The following RIMKLA variants were observed in gnomAD, a reference collection of about 807,000 sequenced individuals.
The protein encoded by RIMKLA is ribosomal modification protein rimK like family member A.
In RIMKLA, 14 loss-of-function variants were observed where a neutral mutation model predicts 32.7. That is an observed-to-expected ratio of 0.43 (90% confidence interval 0.28 to 0.67). The LOEUF is 0.67. RIMKLA is among the 30% of genes least tolerant of loss of function. RIMKLA has a pLI of 0.18. For missense variants in RIMKLA, 410 were observed against 519.0 expected, an observed-to-expected ratio of 0.79 and a Z score of 2.04; for synonymous variants, 176 against 204.1, an observed-to-expected ratio of 0.86 and a Z score of 1.18.
At chr1:42,406,847 A>G (rs1437868088) in intron 3 of RIMKLA, among the ~76,000 whole-genome samples, 1 of 150,956 alleles carries the variant, frequency 6.6e-6, no homozygotes, top group Admixed American at 6.6e-5. Context: ...ATGTTTTTTC[A>G]TATCCTTTGC....
In RIMKLA at chr1:42,415,611, G is replaced by A. The variant is rs377098890; in HGVS notation, c.*637G>A. On this transcript the variant is annotated 3_prime_UTR_variant, in exon 5 of 5. Transcript: ENST00000431473. ...TTGGCAAATGTCCTGCTTTGTAACT[G>A]GGCCTTTCTACAAATTGCTTTGCCA... 1.3e-5 allele frequency: 2 copies of A among 152,200 alleles called. No homozygotes were observed. Among genetic ancestry groups the A allele is most frequent in the East Asian group, 1.9e-4 (1 of 5,194 alleles). The allele number at this position is 152,200 out of a possible 1,614,324, so 9.4% of individuals were successfully genotyped here. A position where few individuals can be genotyped will look rare whatever the true frequency, so the allele number is the denominator to read the frequency against.
chr1:42,403,280 T>C (rs758011260), intron 2 of RIMKLA, among the ~76,000 whole-genome samples: 4 of 152,164 alleles, frequency 2.6e-5, no homozygotes, highest in Non-Finnish European at 5.9e-5. Context: ...TTATTTCTGC[T>C]CTATACTGAC....
chr1:42,397,597 C>T (rs868793910), intron 1 of RIMKLA, among the ~76,000 whole-genome samples: 9 of 152,062 alleles, frequency 5.9e-5, no homozygotes, highest in African/African-American at 2.2e-4. Flanking sequence ...TGGTGATGCA[C>T]ACTTGTAGTC....
intron 1 of RIMKLA, among the ~76,000 whole-genome samples, chr1:42,394,487 G>A (rs1379347601): frequency 6.6e-6 from 1 of 152,182 alleles, no homozygotes; most frequent in East Asian, 1.9e-4. Context: ...ACGAGATAAT[G>A]TGTGAAAGTT....
rs1245653767 is a variant in RIMKLA at position 42,385,879 on chromosome 1, TTTCTTTCTTTCTTTCTTTCC to T, written c.163+4790_163+4809del. Reference sequence around the variant, plus strand: ...CTTTCTTTCTTTCTTTCTTTCTTTCTTTCTTTCTTTCTTTCTTTCCTTCTTTCCTTCTTTCCTTCTTTCTT... The same window carrying T: ...CTTTCTTTCTTTCTTTCTTTCTTTCTTTCTTTCCTTCTTTCCTTCTTTCTT... On this transcript the variant is annotated intron_variant, in intron 1 of 4. Coordinates refer to ENST00000431473, the MANE Select transcript of RIMKLA (RefSeq NM_173642.4). 3.3e-4 allele frequency among the ~76,000 whole-genome samples: 33 copies of T among 99,302 alleles called. 3 individuals carry two copies. The highest frequency in any genetic ancestry group is 1.6e-3 in the South Asian group (5 of 3,122). The allele number at this position is 99,302 out of a possible 152,430, so 65.1% of individuals were successfully genotyped here. A position where few individuals can be genotyped will look rare whatever the true frequency, so the allele number is the denominator to read the frequency against.
At chr1:42,397,606 T>C (rs1643059249) in intron 1 of RIMKLA, among the ~76,000 whole-genome samples, 1 of 152,156 alleles carries the variant, frequency 6.6e-6, no homozygotes, top group African/African-American at 2.4e-5. Flanking sequence ...ACACTTGTAG[T>C]CCCAACTACT....
chr1:42,407,976 A>G (rs1240126328), intron 3 of RIMKLA, among the ~76,000 whole-genome samples: 2 of 152,130 alleles, frequency 1.3e-5, no homozygotes, highest in Admixed American at 6.5e-5. Flanking sequence ...CAAGAAACCC[A>G]GTTCCTATCT....
intron 4 of RIMKLA, 67 bp from the exon 5 acceptor site, chr1:42,414,417 G>A (rs1643227777): frequency 1.9e-6 from 3 of 1,547,904 alleles, no homozygotes; most frequent in African/African-American, 2.7e-5. Context: ...GCAGATCCCT[G>A]TCTCTTCTTT....
intron 1 of RIMKLA, among the ~76,000 whole-genome samples, chr1:42,385,830 T>TCCTTCCTTCCTTCCTTCC (rs1557749857): frequency 1.3e-5 from 1 of 74,216 alleles, no homozygotes; most frequent in Non-Finnish European, 3.2e-5. Flanking sequence ...CTTCCTTCCT[T>TCCTTCCTTCCTTCCTTCC]TCTTTCTTTC....
intron 2 of RIMKLA, among the ~76,000 whole-genome samples, chr1:42,401,920 A>G (rs1166802581): frequency 6.6e-6 from 1 of 152,184 alleles, no homozygotes; most frequent in Non-Finnish European, 1.5e-5. Context: ...GAGTTGAGAA[A>G]GGGCGTCTAA....
Position 42,416,779 on chromosome 1 carries a change from G to T in RIMKLA, c.*1805G>T, listed in dbSNP as rs192114927. Reference sequence around the variant, plus strand: ...TTCATAACACATTTAAATAGAAATTGGCTTTTAAAGTATTGTAGTTAAAAC... The same window carrying T: ...TTCATAACACATTTAAATAGAAATTTGCTTTTAAAGTATTGTAGTTAAAAC... On this transcript the variant is annotated 3_prime_UTR_variant, in exon 5 of 5. Coordinates refer to ENST00000431473, the MANE Select transcript of RIMKLA (RefSeq NM_173642.4). 6.6e-6 allele frequency: 1 copy of T among 152,236 alleles called. No homozygotes were observed. 9.4% of individuals were successfully genotyped at this position (152,236 alleles called of 1,614,324 possible).
chr1:42,409,201 C>CAAAAAAA (rs59543497), intron 3 of RIMKLA, among the ~76,000 whole-genome samples: 18 of 64,494 alleles, frequency 2.8e-4, no homozygotes, highest in African/African-American at 1.0e-3. Flanking sequence ...GACTCTGTCT[C>CAAAAAAA]AAAAAAAAAA....
In RIMKLA at chr1:42,414,056, G is replaced by A. The variant is rs545287418; in HGVS notation, c.686-428G>A. On this transcript the variant is annotated intron_variant, in intron 4 of 4. Coordinates refer to ENST00000431473, the MANE Select transcript of RIMKLA (RefSeq NM_173642.4). ...CAGGCGTGAGTCACTGCACCCAGCT[G>A]GTATTATTATTAATGGCTGTAAAAT... Among the ~76,000 whole-genome samples the A allele has an allele frequency of 7.3e-5, 11 of 151,548 alleles. No individual in the cohort carries two copies. In the East Asian group the frequency reaches 2.0e-3, roughly 27 times the overall value.
At chr1:42,382,783 CT>C (rs1642900194) in intron 1 of RIMKLA, among the ~76,000 whole-genome samples, 1 of 152,086 alleles carries the variant, frequency 6.6e-6, no homozygotes, top group Non-Finnish European at 1.5e-5. Flanking sequence ...CACTCAGACC[CT>C]TTTGTTTAGT....
chr1:42,406,210 AAAAAAATGAAAATACAATTCACAT>A (rs1643146449), intron 3 of RIMKLA, among the ~76,000 whole-genome samples: 1 of 152,214 alleles, frequency 6.6e-6, no homozygotes, highest in Non-Finnish European at 1.5e-5. Context: ...TTTGGAAATC[AAAAAAATGAAAATACAATTCACAT>A]AAAAAATTTA....
At chr1:42,405,000 C>T (rs1057333141) in intron 3 of RIMKLA, among the ~76,000 whole-genome samples, 1 of 152,218 alleles carries the variant, frequency 6.6e-6, no homozygotes, top group African/African-American at 2.4e-5. Context: ...CTCAGCCTTC[C>T]CTTGCAGCTG....
rs982860914 is a variant in RIMKLA at position 42,417,539 on chromosome 1, A to G, written c.*2565A>G. 1 of 152,208 alleles carries G rather than the reference A, an allele frequency of 6.6e-6. No homozygotes were observed. Among genetic ancestry groups the G allele is most frequent in the African/African-American group, 2.4e-5 (1 of 41,444 alleles). The allele number at this position is 152,208 out of a possible 1,614,324, so 9.4% of individuals were successfully genotyped here. ...CTCTGCGTCTCCATGTTTCACTCAG[A>G]TAGAGAAAATGCCTCCTTTGTTTAC... On this transcript the variant is annotated 3_prime_UTR_variant, in exon 5 of 5. Coordinates refer to ENST00000431473, the MANE Select transcript of RIMKLA (RefSeq NM_173642.4).
intron 1 of RIMKLA, among the ~76,000 whole-genome samples, chr1:42,381,357 G>C (rs1642887581): frequency 6.6e-6 from 1 of 152,168 alleles, no homozygotes; most frequent in Non-Finnish European, 1.5e-5. Flanking sequence ...TGAGAAACCC[G>C]AATTCACCTG....
chr1:42,408,524 C>T (rs1193324769), intron 3 of RIMKLA, among the ~76,000 whole-genome samples: 1 of 152,116 alleles, frequency 6.6e-6, no homozygotes, highest in African/African-American at 2.4e-5. Context: ...CGAGTTCAAG[C>T]GATTCTCCTG....
Sources: allele counts gnomAD v4.1 joint callset (sites outside exome capture counted in the v4.1 genomes callset), GRCh38; gene constraint gnomAD v4.1.1; transcripts MANE v1.5; gene names NCBI Gene and HGNC (gene_info 2026-07-23, HGNC 2026-07-21).